The following CLVS1 variants were observed in gnomAD, a reference collection of about 807,000 sequenced individuals.
The protein encoded by CLVS1 is clavesin-1.
In CLVS1, 10 loss-of-function variants were observed where a neutral mutation model predicts 33.1. The observed-to-expected ratio is 0.30, with a 90% CI of 0.19 to 0.51. The LOEUF is 0.51. Ranked by LOEUF, CLVS1 falls within the 20% of genes least tolerant of loss-of-function variation. CLVS1 has a pLI of 0.97. For missense variants in CLVS1, 343 were observed against 433.4 expected (o/e 0.79, Z 1.85); for synonymous variants, 163 against 166.1 (o/e 0.98, Z 0.14).
intron 2 of CLVS1, among the ~76,000 whole-genome samples, chr8:61,195,315 A>C (rs1348369766): frequency 1.3e-5 from 2 of 151,976 alleles, no homozygotes; most frequent in African/African-American, 4.8e-5. Flanking sequence ...AGAGAGAGAG[A>C]GATTCCAAAT....
At chr8:61,251,389 C>G (rs781584457) in intron 2 of CLVS1, among the ~76,000 whole-genome samples, 41 of 152,036 alleles carry the variant, frequency 2.7e-4, no homozygotes, top group Non-Finnish European at 5.1e-4. Context: ...TTTGTGGTGT[C>G]TCTGCCAGGC....
chr8:61,215,202 TAGTC>T (rs1808058722), intron 2 of CLVS1, among the ~76,000 whole-genome samples: 1 of 152,162 alleles, frequency 6.6e-6, no homozygotes, highest in South Asian at 2.1e-4. Flanking sequence ...TCAAAGAACT[TAGTC>T]AGAAAAATCA....
chr8:61,012,641 A>G, the CLVS1 span, among the ~76,000 whole-genome samples: 24 of 152,178 alleles, frequency 1.6e-4, no homozygotes, highest in Non-Finnish European at 5.9e-5. Context: ...GTTTAGGGGT[A>G]GGTGTCCTGT....
chr8:61,448,299 G>A (rs1816828548), intron 3 of CLVS1, among the ~76,000 whole-genome samples: 2 of 151,914 alleles, frequency 1.3e-5, no homozygotes, highest in Admixed American at 6.6e-5. Flanking sequence ...CTAAATTATG[G>A]AAGTTTTCAG....
At chr8:61,354,314 C>G (rs1812595697) in intron 2 of CLVS1, among the ~76,000 whole-genome samples, 1 of 151,870 alleles carries the variant, frequency 6.6e-6, no homozygotes, top group South Asian at 2.1e-4. Flanking sequence ...AGCAGAAACA[C>G]CAACTGTTGT....
rs568294326 is a variant in CLVS1 at position 61,267,809 on chromosome 8, A to C, written c.-151-31868A>C. ...TTAGCATGATTATGTTTCAAAACTC[A>C]TAAAATAGGCTTTAATTTATTGTAA... On this transcript the variant is annotated intron_variant, in intron 2 of 2. Coordinates refer to the CLVS1 transcript ENST00000522621. 3.9e-5 allele frequency among the ~76,000 whole-genome samples: 6 copies of C among 152,346 alleles called. No homozygotes were observed. The South Asian group carries it at 6.2e-4, about 16-fold the overall frequency.
At chr8:61,107,570 ACTT>A (rs1442145344) in intron 1 of CLVS1, among the ~76,000 whole-genome samples, 3 of 152,190 alleles carry the variant, frequency 2.0e-5, no homozygotes, top group African/African-American at 7.2e-5. Context: ...CAAAATGCCT[ACTT>A]CTTAATACCA....
At chr8:61,206,945 A>G (rs1161198787) in intron 2 of CLVS1, among the ~76,000 whole-genome samples, 1 of 152,164 alleles carries the variant, frequency 6.6e-6, no homozygotes, top group African/African-American at 2.4e-5. Context: ...TCTGAGGTCA[A>G]TGATGGAACA....
chr8:61,444,355 A>G (rs1410533292), intron 3 of CLVS1, among the ~76,000 whole-genome samples: 2 of 152,174 alleles, frequency 1.3e-5, no homozygotes, highest in Non-Finnish European at 2.9e-5. Context: ...ATAACATTAG[A>G]TACAGGTTTT....
intron 2 of CLVS1, among the ~76,000 whole-genome samples, chr8:61,312,422 G>A (rs558650012): frequency 7.2e-5 from 11 of 152,288 alleles, no homozygotes; most frequent in East Asian, 3.9e-4. Context: ...AAAATATAAC[G>A]TCAGATAAGA....
rs547311689 is a variant in CLVS1 at position 61,245,936 on chromosome 8, T to TA, written c.-151-53732dup. Among the ~76,000 whole-genome samples, 755 of 147,580 alleles carry TA rather than the reference T, an allele frequency of 5.1e-3. 8 individuals carry two copies. The highest frequency in any genetic ancestry group is 0.019 in the African/African-American group (713 of 37,766). ...ATATGTACCATTACACCCAGTTAAT[T>TA]AAAAAAAAATTTTTTTGGAGAGACT... On this transcript the variant is annotated intron_variant, in intron 2 of 2. Coordinates refer to the CLVS1 transcript ENST00000522621.
chr8:61,091,561 C>G (rs1306166558), intron 1 of CLVS1, among the ~76,000 whole-genome samples: 1 of 152,174 alleles, frequency 6.6e-6, no homozygotes, highest in African/African-American at 2.4e-5. Flanking sequence ...TTCATTATAA[C>G]TGGTGAATCT....
chr8:61,315,131 G>A (rs1426209218), intron 2 of CLVS1, among the ~76,000 whole-genome samples: 2 of 152,034 alleles, frequency 1.3e-5, no homozygotes, highest in African/African-American at 2.4e-5. Flanking sequence ...TACTATGTCC[G>A]TCTCTGATAT....
chr8:61,011,474 A>C, the CLVS1 span, among the ~76,000 whole-genome samples: 1 of 152,100 alleles, frequency 6.6e-6, no homozygotes, highest in Non-Finnish European at 1.5e-5. Flanking sequence ...TTTGAGGTGG[A>C]GTCTCACTCT....
intron 2 of CLVS1, among the ~76,000 whole-genome samples, chr8:61,339,732 G>GGA (rs1811944661): frequency 6.7e-6 from 1 of 149,024 alleles, no homozygotes; most frequent in Non-Finnish European, 1.5e-5. Flanking sequence ...AGGGAAGGAG[G>GGA]GAGAGAGAAA....
rs758339805 is a variant in CLVS1, at chr8:61,499,558, A to G, written c.*16A>G. 1.2e-6 allele frequency: 2 copies of G among 1,602,702 alleles called. No homozygotes were observed. The highest frequency in any genetic ancestry group is 1.7e-6 in the Non-Finnish European group (2 of 1,169,884). ...TCTGGACTGAACCCTGAGTCACCCC[A>G]ATGCTCCTGCACACTGGCCTTCAGT... On this transcript the variant is annotated 3_prime_UTR_variant, in exon 6 of 6. Coordinates refer to ENST00000325897, the MANE Select transcript of CLVS1 (RefSeq NM_173519.3).
chr8:61,459,313 T>A (rs1817277149), intron 5 of CLVS1, among the ~76,000 whole-genome samples: 1 of 152,132 alleles, frequency 6.6e-6, no homozygotes, highest in South Asian at 2.1e-4. Flanking sequence ...TAAATGAGTA[T>A]TTTCTCATTA....
chr8:61,437,634 G>A (rs1816383512), intron 3 of CLVS1, among the ~76,000 whole-genome samples: 2 of 152,182 alleles, frequency 1.3e-5, no homozygotes, highest in African/African-American at 4.8e-5. Flanking sequence ...TACTTTCAGA[G>A]TGATTACTAA....
the CLVS1 span, among the ~76,000 whole-genome samples, chr8:61,027,078 A>G: frequency 2.0e-5 from 3 of 152,320 alleles, no homozygotes; most frequent in South Asian, 6.2e-4. Flanking sequence ...ACCTTCAGCA[A>G]TAAACAATCA....
Sources: allele counts gnomAD v4.1 joint callset (sites outside exome capture counted in the v4.1 genomes callset), GRCh38; gene constraint gnomAD v4.1.1; transcripts MANE v1.5; gene names NCBI Gene and HGNC (gene_info 2026-07-23, HGNC 2026-07-21).